The following LMBR1 variants were observed in gnomAD, a reference collection of about 807,000 sequenced individuals.
The protein encoded by LMBR1 is limb region 1 protein homolog.
A neutral mutation model predicts 73.9 loss-of-function variants in LMBR1; 52 were observed. The ratio of observed to expected loss-of-function variants is 0.70; its 90% CI spans 0.56 to 0.89. LMBR1 has a LOEUF of 0.89. LMBR1 is among the 40% of genes least tolerant of loss of function. The probability of loss-of-function intolerance (pLI) is 0.00; values close to 1 mark genes in which losing one functional copy is unlikely to be tolerated. For missense variants in LMBR1, 539 were observed against 579.8 expected (o/e 0.93, Z 0.72); for synonymous variants, 215 against 209.4 (o/e 1.03, Z -0.23).
At chr7:156,788,370 T>C (rs764482695) in intron 5 of LMBR1, among the ~76,000 whole-genome samples, 18 of 152,220 alleles carry the variant, frequency 1.2e-4, no homozygotes, top group Admixed American at 3.3e-4. Flanking sequence ...TAGTATGCTC[T>C]TCGTTACCTT....
At chr7:156,725,327 A>G (rs1258988930) in intron 14 of LMBR1, 108 bp downstream of exon 14, 6 of 660,604 alleles carry the variant, frequency 9.1e-6, no homozygotes, top group Non-Finnish European at 1.3e-5. Context: ...CGCAACTTAC[A>G]AACAAATACC....
intron 5 of LMBR1, 31 bp from the exon 6 acceptor site, chr7:156,763,826 T>C: frequency 6.4e-7 from 1 of 1,554,272 alleles, no homozygotes; most frequent in South Asian, 1.2e-5. Flanking sequence ...ATAATTTTAG[T>C]ATTTTACTTC....
intron 4 of LMBR1, among the ~76,000 whole-genome samples, chr7:156,805,020 G>C (rs74533373): frequency 0.032 from 4,836 of 152,118 alleles, 122 homozygotes; most frequent in South Asian, 0.085. Flanking sequence ...AATGGTGCCA[G>C]GTATGGACTG....
chr7:156,881,056 A>C (rs1300252878), intron 1 of LMBR1, among the ~76,000 whole-genome samples: 1 of 152,250 alleles, frequency 6.6e-6, no homozygotes, highest in East Asian at 1.9e-4. Flanking sequence ...GAAAGAACAA[A>C]GTTGGTGGCA....
chr7:156,877,308 G>A lies in LMBR1; in HGVS notation c.66+15620C>T, dbSNP rs187871112. On this transcript the variant is annotated intron_variant, in intron 1 of 16. Coordinates refer to ENST00000353442, the MANE Select transcript of LMBR1 (RefSeq NM_022458.4). Reference sequence around the variant, plus strand: ...AAGTCCAGGACCAGATGGATTTATAGCTGAATTCTACCAGACAAAGAAGAA... The same window carrying A: ...AAGTCCAGGACCAGATGGATTTATAACTGAATTCTACCAGACAAAGAAGAA... Among the ~76,000 whole-genome samples, 4 of 151,410 alleles carry A rather than the reference G, an allele frequency of 2.6e-5. No individual in the cohort carries two copies. The East Asian group carries it at 7.8e-4, about 29-fold the overall frequency.
chr7:156,698,994 T>C (rs1032700969), intron 15 of LMBR1, among the ~76,000 whole-genome samples: 3 of 152,248 alleles, frequency 2.0e-5, no homozygotes, highest in African/African-American at 7.2e-5. Context: ...TTTAAATGTT[T>C]AATGTTTTAA....
intron 1 of LMBR1, among the ~76,000 whole-genome samples, chr7:156,857,382 C>T (rs894195479): frequency 6.6e-6 from 1 of 151,996 alleles, no homozygotes; most frequent in African/African-American, 2.4e-5. Flanking sequence ...ATTATCAGGA[C>T]AAAGAACAGC....
intron 5 of LMBR1, among the ~76,000 whole-genome samples, chr7:156,794,330 G>A (rs565739476): frequency 2.6e-5 from 4 of 152,262 alleles, no homozygotes; most frequent in East Asian, 1.9e-4. Context: ...CTGTACAATC[G>A]TATGTGTGAA....
intron 1 of LMBR1, among the ~76,000 whole-genome samples, chr7:156,866,076 AAAAAT>A (rs912430557): frequency 2.0e-5 from 3 of 152,114 alleles, no homozygotes; most frequent in Non-Finnish European, 2.9e-5. Flanking sequence ...AAAAAAAAAA[AAAAAT>A]AGAGAAACTG....
chr7:156,729,239 A>G (rs1321159268), intron 10 of LMBR1, among the ~76,000 whole-genome samples: 1 of 152,108 alleles, frequency 6.6e-6, no homozygotes, highest in Admixed American at 6.5e-5. Flanking sequence ...ATCATTAAGG[A>G]AATATATTGT....
intron 1 of LMBR1, among the ~76,000 whole-genome samples, chr7:156,870,626 G>A (rs188940420): frequency 1.3e-5 from 2 of 152,024 alleles, no homozygotes; most frequent in East Asian, 1.9e-4. Context: ...TTAGCCAGGC[G>A]TGGCAGCAGG....
chr7:156,884,799 G>A (rs1801623567), intron 1 of LMBR1, among the ~76,000 whole-genome samples: 1 of 152,204 alleles, frequency 6.6e-6, no homozygotes, highest in Admixed American at 6.5e-5. Flanking sequence ...ACTGCATTCT[G>A]AACTTACATA....
At chr7:156,780,170 A>G (rs1205319977) in intron 5 of LMBR1, among the ~76,000 whole-genome samples, 1 of 152,210 alleles carries the variant, frequency 6.6e-6, no homozygotes, top group Non-Finnish European at 1.5e-5. Context: ...ATGTTTTTTA[A>G]TATTAATATG....
At chr7:156,864,879 C>T (rs959712947) in intron 1 of LMBR1, among the ~76,000 whole-genome samples, 20 of 151,508 alleles carry the variant, frequency 1.3e-4, no homozygotes, top group Non-Finnish European at 2.5e-4. Flanking sequence ...GCTTGTAATA[C>T]CAGGTATTCA....
intron 9 of LMBR1, among the ~76,000 whole-genome samples, chr7:156,743,736 A>G (rs1420181460): frequency 1.3e-5 from 2 of 152,078 alleles, no homozygotes; most frequent in African/African-American, 4.8e-5. Flanking sequence ...TTACTTTCAC[A>G]TTTTTAATAC....
In LMBR1 at chr7:156,826,695, G is replaced by T; in HGVS notation, c.229C>A (p.Leu77Ile). The T allele has an allele frequency of 2.5e-6, 4 of 1,611,682 alleles. No individual in the cohort carries two copies. The highest frequency in any genetic ancestry group is 3.4e-6 in the Non-Finnish European group (4 of 1,178,714). Residue 77 changes from leucine to isoleucine, a missense_variant, in exon 4 of 17, where the codon CTT becomes ATT. By Grantham distance (5) the Leu-to-Ile change is conservative. This residue lies in a region of LMBR1 where 454 missense variants were observed against 473.4 expected (regional missense o/e 0.96). Transcript: ENST00000353442. ...TTGCTGATGATTGAGAAGGGTAAAAGCAAAACAGCCCCAGCTGACACTGCG... is the reference window on the plus strand; with the variant it reads ...TTGCTGATGATTGAGAAGGGTAAAATCAAAACAGCCCCAGCTGACACTGCG... ...TLAVSAGAVL[L>I]LPFSIISNEI...
chr7:156,686,866 G>C (rs1056907865), intron 16 of LMBR1, among the ~76,000 whole-genome samples: 2 of 152,166 alleles, frequency 1.3e-5, no homozygotes, highest in Non-Finnish European at 2.9e-5. Flanking sequence ...CTGATAAAAA[G>C]GACTGTTTGA....
chr7:156,796,895 A>C (rs1830136446), intron 4 of LMBR1, among the ~76,000 whole-genome samples: 1 of 152,238 alleles, frequency 6.6e-6, no homozygotes, highest in African/African-American at 2.4e-5. Flanking sequence ...TTTAAGCCTC[A>C]TAAAAACCCT....
intron 1 of LMBR1, among the ~76,000 whole-genome samples, chr7:156,845,675 G>A (rs947631741): frequency 5.7e-4 from 86 of 151,970 alleles, no homozygotes; most frequent in Admixed American, 1.8e-3. Context: ...TAAGAGACAG[G>A]GTTTTGCTCT....
Sources: gnomAD v4.1 joint callset for allele counts (sites outside exome capture counted in the v4.1 genomes callset) on GRCh38, gnomAD v4.1.1 for gene constraint, gnomAD v4.1.1 regional missense constraint, MANE v1.5 for transcripts, NCBI Gene and HGNC (gene_info 2026-07-23, HGNC 2026-07-21) for gene names.